The following SBF2 variants were observed in gnomAD, a reference collection of about 807,000 sequenced individuals.
The protein encoded by SBF2 is SET binding factor 2.
Under a neutral mutation model 225.2 loss-of-function variants are expected in SBF2, and 112 were observed. That is an observed-to-expected ratio of 0.50 (90% CI 0.43 to 0.58). SBF2 has a LOEUF of 0.58. Ranked by LOEUF, SBF2 falls within the 20% of genes least tolerant of loss-of-function variation. The pLI is 0.00. For synonymous variants in SBF2, 763 were observed against 773.3 expected (o/e 0.99, Z 0.22); for missense variants, 1,996 against 2,206.2 (o/e 0.90, Z 1.91).
chr11:10,098,972 G>A (rs893779555), intron 2 of SBF2, among the ~76,000 whole-genome samples: 2 of 150,350 alleles, frequency 1.3e-5, no homozygotes, highest in African/African-American at 2.4e-5. Flanking sequence ...AGGATTTATG[G>A]GACAAAATGA....
At chr11:9,885,273 A>AAAAC (rs1564956269) in intron 17 of SBF2, among the ~76,000 whole-genome samples, 1 of 149,908 alleles carries the variant, frequency 6.7e-6, no homozygotes, top group African/African-American at 2.5e-5. Flanking sequence ...AAAAAAAAAA[A>AAAAC]AAACCCCACC....
intron 16 of SBF2, among the ~76,000 whole-genome samples, chr11:9,897,180 T>C (rs192838464): frequency 1.2e-3 from 182 of 152,192 alleles, no homozygotes; most frequent in African/African-American, 3.7e-3. Flanking sequence ...CATAGATGCA[T>C]AGAATATTCA....
Position 10,063,858 on chromosome 11 carries a change from C to CACACACACACACAG in SBF2, c.142-20878_142-20877insCTGTGTGTGTGTGT, listed in dbSNP as rs373423157. ...ACACACACACACACACACACACACA[C>CACACACACACACAG]AGAGAGAGAGAGAGAGAGAGAGAAA... On this transcript the variant is annotated intron_variant, in intron 2 of 39. Transcript: ENST00000256190. Among the ~76,000 whole-genome samples, 178 of 136,232 alleles carry CACACACACACACAG rather than the reference C, an allele frequency of 1.3e-3. 2 individuals carry two copies. Among genetic ancestry groups the CACACACACACACAG allele is most frequent in the African/African-American group, 4.4e-3 (163 of 37,044 alleles). The allele number at this position is 136,232 out of a possible 152,430, so 89.4% of individuals were successfully genotyped here. A position where few individuals can be genotyped will look rare whatever the true frequency, so the allele number is the denominator to read the frequency against.
chr11:10,261,685 A>AG (rs1170897124), intron 1 of SBF2, among the ~76,000 whole-genome samples: 1 of 152,266 alleles, frequency 6.6e-6, no homozygotes, highest in East Asian at 1.9e-4. Flanking sequence ...GAATATTCAT[A>AG]GCAGTTTATT....
At chr11:9,915,129 A>C (rs1313837215) in intron 16 of SBF2, among the ~76,000 whole-genome samples, 1 of 152,200 alleles carries the variant, frequency 6.6e-6, no homozygotes, top group African/African-American at 2.4e-5. Flanking sequence ...GAAATGTTTC[A>C]TTATGGAAGC....
intron 6 of SBF2, among the ~76,000 whole-genome samples, chr11:10,004,701 A>G (rs1220991229): frequency 6.6e-6 from 1 of 152,000 alleles, no homozygotes; most frequent in African/African-American, 2.4e-5. Flanking sequence ...CCTGTGAGAC[A>G]AATGCATATC....
intron 16 of SBF2, among the ~76,000 whole-genome samples, chr11:9,951,287 CA>C (rs1346052954): frequency 6.6e-6 from 1 of 152,098 alleles, no homozygotes; most frequent in Admixed American, 6.5e-5. Context: ...ACTATGAAGG[CA>C]AAGGATTTTA....
At chr11:10,180,576 G>A (rs144326311) in intron 2 of SBF2, among the ~76,000 whole-genome samples, 86 of 152,212 alleles carry the variant, frequency 5.7e-4, no homozygotes, top group African/African-American at 1.7e-3. Flanking sequence ...TCTGCTAGCT[G>A]TTCTATAACC....
At chr11:10,277,593 A>C (rs1326184625) in intron 1 of SBF2, among the ~76,000 whole-genome samples, 1 of 152,184 alleles carries the variant, frequency 6.6e-6, no homozygotes, top group Non-Finnish European at 1.5e-5. Context: ...TCATAATGTG[A>C]CTTTATTTGG....
intron 17 of SBF2, among the ~76,000 whole-genome samples, chr11:9,878,036 C>T (rs532975201): frequency 8.5e-4 from 129 of 152,290 alleles, no homozygotes; most frequent in Admixed American, 1.6e-3. Flanking sequence ...ATTCCTATTT[C>T]TCCACATCCG....
chr11:10,300,350 A>G (rs1020913084), intron 1 of SBF2, among the ~76,000 whole-genome samples: 14 of 152,126 alleles, frequency 9.2e-5, no homozygotes, highest in African/African-American at 2.7e-4. Context: ...AAAACTATCA[A>G]TTCATTCAGG....
At chr11:9,999,536 G>A (rs917112780) in intron 8 of SBF2, among the ~76,000 whole-genome samples, 36 of 152,074 alleles carry the variant, frequency 2.4e-4, no homozygotes, top group African/African-American at 8.2e-4. Context: ...TGGCCAGGGT[G>A]GTCTCAAACT....
chr11:9,827,326 A>G (rs1855127941), intron 28 of SBF2, among the ~76,000 whole-genome samples: 1 of 152,150 alleles, frequency 6.6e-6, no homozygotes, highest in Non-Finnish European at 1.5e-5. Context: ...CCAGGAGTTC[A>G]AGACCAGCCT....
intron 2 of SBF2, among the ~76,000 whole-genome samples, chr11:10,085,146 G>T (rs1951514657): frequency 6.6e-6 from 1 of 152,158 alleles, no homozygotes. Flanking sequence ...CCCAGATTAA[G>T]AAACAATTTG....
intron 1 of SBF2, among the ~76,000 whole-genome samples, chr11:10,255,927 C>G (rs960717962): frequency 6.6e-6 from 1 of 152,190 alleles, no homozygotes; most frequent in African/African-American, 2.4e-5. Context: ...GTCAACAGCG[C>G]CACAAGCAAA....
At chr11:9,942,395 A>G (rs148344281) in intron 16 of SBF2, among the ~76,000 whole-genome samples, 3 of 152,316 alleles carry the variant, frequency 2.0e-5, no homozygotes, top group African/African-American at 7.2e-5. Context: ...GATGTACAAT[A>G]CTATGTTTAT....
At chr11:10,202,557 G>C (rs536561257) in intron 1 of SBF2, among the ~76,000 whole-genome samples, 1 of 152,196 alleles carries the variant, frequency 6.6e-6, no homozygotes, top group Non-Finnish European at 1.5e-5. Context: ...AGGCCGAGGC[G>C]GGTGGATCAC....
At chr11:10,004,250 C>A (rs1261650098) in intron 6 of SBF2, among the ~76,000 whole-genome samples, 1 of 151,948 alleles carries the variant, frequency 6.6e-6, no homozygotes, top group Non-Finnish European at 1.5e-5. Context: ...TTTTAAAATT[C>A]ATATTAAATC....
rs570369097 is a variant in SBF2, at chr11:9,781,412, G to A, written c.5451+95C>T. ...CAAGGGGGTCTGTCATCCATCTGTA[G>A]TCACCACCAATTACTCTGAGGGCTC... On this transcript the variant is annotated intron_variant, in intron 39 of 39. Coordinates refer to ENST00000256190, the MANE Select transcript of SBF2 (RefSeq NM_030962.4). 9 of 1,538,462 alleles carry A rather than the reference G, an allele frequency of 5.8e-6. No individual in the cohort carries two copies. The East Asian group carries it at 1.8e-4, about 31-fold the overall frequency.
Sources: allele counts gnomAD v4.1 joint callset (sites outside exome capture counted in the v4.1 genomes callset), GRCh38; gene constraint gnomAD v4.1.1; transcripts MANE v1.5; gene names NCBI Gene and HGNC (gene_info 2026-07-23, HGNC 2026-07-21).